Variants in KCNH7 observed in about 807,000 individuals in gnomAD.
KCNH7 encodes potassium voltage-gated channel subfamily H member 7, also known as voltage-gated inwardly rectifying potassium channel KCNH7.
Under a neutral mutation model 120.8 loss-of-function variants are expected in KCNH7, and 49 were observed. The ratio of observed to expected loss-of-function variants is 0.41; its 90% CI spans 0.32 to 0.51. The LOEUF (loss-of-function observed/expected upper bound fraction) is 0.51, where lower values mean the gene tolerates loss of function less well. KCNH7 is among the 20% of genes least tolerant of loss of function. The probability of loss-of-function intolerance (pLI) is 0.38; values close to 1 mark genes in which losing one functional copy is unlikely to be tolerated. For synonymous variants in KCNH7, 547 were observed against 516.1 expected (o/e 1.06, Z -0.81); for missense variants, 1,097 against 1,446.6 (o/e 0.76, Z 3.92).
At chr2:162,669,763 G>C (rs745836824) in intron 2 of KCNH7, among the ~76,000 whole-genome samples, 1 of 152,058 alleles carries the variant, frequency 6.6e-6, no homozygotes, top group Non-Finnish European at 1.5e-5. Flanking sequence ...GAATTGTCTC[G>C]TCCCAAATGT....
intron 3 of KCNH7, among the ~76,000 whole-genome samples, chr2:162,532,377 G>A (rs1183554037): frequency 6.6e-6 from 1 of 151,804 alleles, no homozygotes; most frequent in Non-Finnish European, 1.5e-5. Context: ...ACCAGTTCCT[G>A]GAGAGACAAT....
At chr2:162,663,317 A>C (rs1323895194) in intron 2 of KCNH7, among the ~76,000 whole-genome samples, 1 of 152,202 alleles carries the variant, frequency 6.6e-6, no homozygotes, top group African/African-American at 2.4e-5. Flanking sequence ...TTGAGAAAAA[A>C]ATTTTACATT....
intron 2 of KCNH7, among the ~76,000 whole-genome samples, chr2:162,555,323 T>C (rs1032053730): frequency 6.6e-6 from 1 of 152,290 alleles, no homozygotes; most frequent in East Asian, 1.9e-4. Flanking sequence ...CCTAAAGGGA[T>C]TGAAGATAAG....
intron 2 of KCNH7, among the ~76,000 whole-genome samples, chr2:162,623,020 A>C (rs976297336): frequency 1.3e-5 from 2 of 152,158 alleles, no homozygotes; most frequent in African/African-American, 4.8e-5. Context: ...TTATTTCAGA[A>C]ACATTCCTAC....
intron 8 of KCNH7, 22 bp downstream of exon 8, chr2:162,435,176 A>G: frequency 6.3e-7 from 1 of 1,594,356 alleles, no homozygotes; most frequent in Non-Finnish European, 8.6e-7. Flanking sequence ...CCTAATAGAC[A>G]ACAGAAGAGA....
At position 162,518,027 on chromosome 2, in the gene KCNH7, G is replaced by C; in HGVS notation, c.595C>G (p.His199Asp). 1 of 1,612,468 alleles carries C rather than the reference G, an allele frequency of 6.2e-7. No individual in the cohort carries two copies. Among genetic ancestry groups the C allele is most frequent in the African/African-American group, 1.3e-5 (1 of 74,896 alleles). Residue 199 changes from histidine (H) to aspartate (D), a missense_variant, in exon 4 of 16, where the codon CAT becomes GAT. This residue lies in a region of KCNH7 where 362 missense variants were observed against 372.2 expected (regional missense o/e 0.97). Coordinates refer to ENST00000332142, the MANE Select transcript of KCNH7 (RefSeq NM_033272.4). The part of the protein sequence containing the change: ...KHSDDSVAMK[H>D]FKSPTKESCS... The stretch of plus-strand genomic sequence containing the variant: ...CTTTCTTTTGTAGGAGACTTAAAAT[G>C]CTTCATGGCTACTGAATCATCACTG...
At chr2:162,444,429 C>T (rs1201935165) in intron 7 of KCNH7, among the ~76,000 whole-genome samples, 1 of 152,156 alleles carries the variant, frequency 6.6e-6, no homozygotes, top group African/African-American at 2.4e-5. Flanking sequence ...GTAAATAGTA[C>T]TTTAGCTTCC....
chr2:162,775,952 C>T (rs1683219197), intron 2 of KCNH7, among the ~76,000 whole-genome samples: 1 of 152,120 alleles, frequency 6.6e-6, no homozygotes, highest in African/African-American at 2.4e-5. Context: ...GCAATCTATG[C>T]CTGGTTTTCT....
chr2:162,720,156 T>A (rs895875231), intron 2 of KCNH7, among the ~76,000 whole-genome samples: 1 of 152,018 alleles, frequency 6.6e-6, no homozygotes, highest in African/African-American at 2.4e-5. Flanking sequence ...GAAATGCTAG[T>A]CTTCATACAG....
chr2:162,517,539 C>G (rs554851507), intron 4 of KCNH7, among the ~76,000 whole-genome samples, 191 bp downstream of exon 4: 2 of 151,758 alleles, frequency 1.3e-5, no homozygotes, highest in African/African-American at 4.8e-5. Flanking sequence ...CCAGAAGACA[C>G]TAAATTACTC....
At chr2:162,501,753 G>A (rs970938666) in intron 6 of KCNH7, among the ~76,000 whole-genome samples, 9 of 151,878 alleles carry the variant, frequency 5.9e-5, no homozygotes, top group African/African-American at 2.2e-4. Flanking sequence ...TCCCATTTAT[G>A]AGATCTCCAC....
At chr2:162,638,056 A>G (rs1684024265) in intron 2 of KCNH7, among the ~76,000 whole-genome samples, 2 of 152,072 alleles carry the variant, frequency 1.3e-5, no homozygotes, top group Non-Finnish European at 2.9e-5. Flanking sequence ...TCTAGCTATA[A>G]TATAATACTT....
chr2:162,481,181 T>C (rs1558969045), intron 6 of KCNH7, among the ~76,000 whole-genome samples: 1 of 152,178 alleles, frequency 6.6e-6, no homozygotes, highest in Non-Finnish European at 1.5e-5. Context: ...CTCAACTAGA[T>C]GGCAGGGATG....
chr2:162,500,707 TATC>T (rs1438869655), intron 6 of KCNH7, among the ~76,000 whole-genome samples: 1 of 152,032 alleles, frequency 6.6e-6, no homozygotes, highest in African/African-American at 2.4e-5. Context: ...AAGAAAGAAA[TATC>T]ATACAAATCT....
intron 2 of KCNH7, among the ~76,000 whole-genome samples, chr2:162,618,634 G>A (rs1683231931): frequency 6.6e-6 from 1 of 152,040 alleles, no homozygotes; most frequent in African/African-American, 2.4e-5. Context: ...ACATTTTTGT[G>A]TCTTATTTTT....
chr2:162,469,856 GC>G (rs1286005033), intron 6 of KCNH7, among the ~76,000 whole-genome samples: 1 of 152,162 alleles, frequency 6.6e-6, no homozygotes, highest in South Asian at 2.1e-4. Context: ...GCAGGCGCGC[GC>G]CGCCACGCCT....
intron 6 of KCNH7, among the ~76,000 whole-genome samples, chr2:162,464,378 G>A (rs1215828957): frequency 6.6e-6 from 1 of 151,842 alleles, no homozygotes; most frequent in Non-Finnish European, 1.5e-5. Flanking sequence ...GACTTTTTAT[G>A]TCTATCCATG....
At chr2:162,693,270 A>C (rs558419995) in intron 2 of KCNH7, among the ~76,000 whole-genome samples, 5 of 152,302 alleles carry the variant, frequency 3.3e-5, no homozygotes, top group Non-Finnish European at 5.9e-5. Flanking sequence ...ACCACACACA[A>C]AAAAATGATC....
At chr2:162,485,565 G>C in intron 6 of KCNH7, among the ~76,000 whole-genome samples, 1 of 152,112 alleles carries the variant, frequency 6.6e-6, no homozygotes, top group East Asian at 1.9e-4. Flanking sequence ...TTCTATAGAA[G>C]GAAATATAGG....
Sources: gnomAD v4.1 joint callset for allele counts (sites outside exome capture counted in the v4.1 genomes callset) on GRCh38, gnomAD v4.1.1 for gene constraint, gnomAD v4.1.1 regional missense constraint, MANE v1.5 for transcripts, NCBI Gene and HGNC (gene_info 2026-07-23, HGNC 2026-07-21) for gene names.